Variants in MBP observed in about 807,000 individuals in gnomAD.
MBP encodes the protein Golli-MBP.
A neutral mutation model predicts 35.8 loss-of-function variants in MBP; 16 were observed. The observed-to-expected ratio is 0.45, with a 90% CI of 0.30 to 0.68. MBP has a LOEUF of 0.68. MBP is among the 30% of genes least tolerant of loss of function. The pLI, the probability that MBP is intolerant of heterozygous loss-of-function variation, is 0.08. For synonymous variants in MBP, 143 were observed against 159.6 expected, an observed-to-expected ratio of 0.90 and a Z score of 0.78; for missense variants, 380 against 404.7, an observed-to-expected ratio of 0.94 and a Z score of 0.52.
chr18:77,082,030 T>A (rs886211879), intron 2 of MBP, among the ~76,000 whole-genome samples: 2 of 151,222 alleles, frequency 1.3e-5, no homozygotes, highest in Admixed American at 1.3e-4. Flanking sequence ...TTTTTTGTAT[T>A]TTTAGTAGAG....
chr18:77,081,813 C>CACACATATATATACACACACT (rs1568329956), intron 2 of MBP, among the ~76,000 whole-genome samples: 1 of 90,678 alleles, frequency 1.1e-5, no homozygotes, highest in Non-Finnish European at 2.3e-5. Context: ...TATGCACACA[C>CACACATATATATACACACACT]ATATATACAC....
intron 4 of MBP, among the ~76,000 whole-genome samples, chr18:77,008,508 AC>A (rs1242961293): frequency 6.6e-6 from 1 of 151,536 alleles, no homozygotes; most frequent in Non-Finnish European, 1.5e-5. Flanking sequence ...AACCACTGAG[AC>A]CCCCTCAGGG....
intron 2 of MBP, among the ~76,000 whole-genome samples, chr18:77,098,982 C>T (rs987440301): frequency 6.6e-6 from 1 of 150,742 alleles, no homozygotes; most frequent in Non-Finnish European, 1.5e-5. Flanking sequence ...CTCCTCTTCT[C>T]TCCCCTCCTC....
intron 1 of MBP, among the ~76,000 whole-genome samples, chr18:77,117,653 G>A (rs1976710263): frequency 6.6e-6 from 1 of 151,304 alleles, no homozygotes; most frequent in Non-Finnish European, 1.5e-5. Flanking sequence ...AGTATCTGTG[G>A]ATGGGTTATT....
At chr18:77,070,328 T>C (rs1319152800) in intron 2 of MBP, among the ~76,000 whole-genome samples, 1 of 152,190 alleles carries the variant, frequency 6.6e-6, no homozygotes, top group East Asian at 1.9e-4. Context: ...TCATACTATT[T>C]GTAGCAATTT....
rs1016978747 is a variant in MBP, at chr18:77,118,696, C to A, written c.-25-13410G>T. ...CACACACACACACCACACACACACT[C>A]CACACACCCCCCACACTATATGCAT... On this transcript the variant is annotated intron_variant, in intron 1 of 8. Coordinates refer to ENST00000355994, the MANE Select transcript of MBP (RefSeq NM_001025101.2). Among the ~76,000 whole-genome samples the A allele has an allele frequency of 2.1e-5, 3 of 144,842 alleles. No homozygotes were observed. In the East Asian group the frequency reaches 6.1e-4, roughly 30 times the overall value.
chr18:77,007,203 G>A (rs1169547357), intron 4 of MBP, among the ~76,000 whole-genome samples: 5 of 152,166 alleles, frequency 3.3e-5, no homozygotes, highest in Non-Finnish European at 7.3e-5. Context: ...TCCTTCTTCC[G>A]TGGCTGGTGC....
At chr18:76,997,782 A>G (rs74355363) in intron 4 of MBP, among the ~76,000 whole-genome samples, 2 of 150,722 alleles carry the variant, frequency 1.3e-5, no homozygotes, top group Non-Finnish European at 2.9e-5. Flanking sequence ...TCCCGGGTTC[A>G]CGCCACTCTC....
intron 2 of MBP, among the ~76,000 whole-genome samples, chr18:77,073,190 G>C (rs1299734212): frequency 3.3e-5 from 5 of 151,946 alleles, no homozygotes; most frequent in Non-Finnish European, 7.4e-5. Context: ...ACATATTTTT[G>C]CTCTCTTTAA....
chr18:77,003,890 T>C (rs1167045070), intron 4 of MBP: 1 of 152,026 alleles, frequency 6.6e-6, no homozygotes, highest in Non-Finnish European at 1.5e-5. Context: ...TGTTATTCAA[T>C]GCGTGCGTAT....
At chr18:77,125,529 G>A (rs889237590) in intron 1 of MBP, among the ~76,000 whole-genome samples, 2 of 151,800 alleles carry the variant, frequency 1.3e-5, no homozygotes, top group African/African-American at 4.8e-5. Context: ...ATAATCCCAC[G>A]TAATCATGAC....
Position 76,980,456 on chromosome 18 carries a change from G to A in MBP, c.886C>T (p.Arg296Cys), listed in dbSNP as rs1367368915. 2.5e-6 allele frequency: 4 copies of A among 1,613,738 alleles called. No individual in the cohort carries two copies. Among genetic ancestry groups the A allele is most frequent in the Non-Finnish European group, 2.5e-6 (3 of 1,179,740 alleles). The change falls in exon 9 of 9, where the codon CGC becomes TGC. Residue 296 changes from arginine to cysteine, a missense_variant. Coordinates refer to ENST00000355994, the MANE Select transcript of MBP (RefSeq NM_001025101.2). ...KIFKLGGRDS[R>C]SGSPMARR ...CGTCTAGCCATGGGTGATCCAGAGCGACTATCTCTTCCTCCCTGAAAAGGA... is the reference window on the plus strand; with the variant it reads ...CGTCTAGCCATGGGTGATCCAGAGCAACTATCTCTTCCTCCCTGAAAAGGA...
At chr18:77,011,190 T>G (rs1214539825) in intron 4 of MBP, among the ~76,000 whole-genome samples, 1 of 152,094 alleles carries the variant, frequency 6.6e-6, no homozygotes, top group African/African-American at 2.4e-5. Flanking sequence ...TAGCAGGAAT[T>G]TCTGGTGACT....
intron 3 of MBP, chr18:77,017,802 G>A (rs540615657): frequency 6.6e-6 from 1 of 152,362 alleles, no homozygotes; most frequent in African/African-American, 2.4e-5. Context: ...TTCCACAAGA[G>A]GCCTCTCACA....
chr18:76,987,270 C>T lies in MBP; in HGVS notation c.750+1225G>A, dbSNP rs953435532. 1.3e-5 allele frequency: 13 copies of T among 985,320 alleles called. No individual in the cohort carries two copies. In the African/African-American group the frequency reaches 1.9e-4, roughly 15 times the overall value. 61.0% of individuals were successfully genotyped at this position (985,320 alleles called of 1,614,324 possible). A position where few individuals can be genotyped will look rare whatever the true frequency, so the allele number is the denominator to read the frequency against. On this transcript the variant is annotated intron_variant, in intron 7 of 8. Transcript: ENST00000355994. The stretch of plus-strand genomic sequence containing the variant: ...TCAAAAATGAATTTCATTCTTCTAT[C>T]ATCTTTGTCTCCTGCTGGCATAGAA...
chr18:77,062,194 G>A (rs1974010327), intron 3 of MBP, among the ~76,000 whole-genome samples: 1 of 152,196 alleles, frequency 6.6e-6, no homozygotes, highest in Non-Finnish European at 1.5e-5. Context: ...AATTTAGGGA[G>A]ACCTAAGACT....
At chr18:77,092,860 A>G (rs1975592774) in intron 2 of MBP, among the ~76,000 whole-genome samples, 1 of 152,116 alleles carries the variant, frequency 6.6e-6, no homozygotes, top group South Asian at 2.1e-4. Flanking sequence ...CGATGACGAG[A>G]GACACGCCTG....
chr18:77,035,541 A>G (rs1351553188), intron 3 of MBP, among the ~76,000 whole-genome samples: 11 of 152,210 alleles, frequency 7.2e-5, no homozygotes, highest in Admixed American at 7.2e-4. Flanking sequence ...CTGTGCTAGG[A>G]TGAGAAACGT....
chr18:77,057,667 T>G (rs118036231), intron 3 of MBP, among the ~76,000 whole-genome samples: 3 of 152,330 alleles, frequency 2.0e-5, no homozygotes, highest in Middle Eastern at 3.4e-3. Flanking sequence ...TTTACTAACC[T>G]GGATGCATTA....
Sources: allele counts gnomAD v4.1 joint callset (sites outside exome capture counted in the v4.1 genomes callset), GRCh38; gene constraint gnomAD v4.1.1; transcripts MANE v1.5; gene names NCBI Gene and HGNC (gene_info 2026-07-23, HGNC 2026-07-21).